ABHD12: variants seen among roughly 807,000 people sequenced by gnomAD.
The protein encoded by ABHD12 is abhydrolase domain containing 12, lysophospholipase.
In ABHD12, 43 loss-of-function variants were observed where a neutral mutation model predicts 58.3. That is an observed-to-expected ratio of 0.74 (90% CI 0.58 to 0.95). The LOEUF is 0.95. Among genes scored for constraint, ABHD12 ranks in the 40% least tolerant of loss-of-function variants. The pLI is 0.00. For synonymous variants in ABHD12, 219 were observed against 211.2 expected (o/e 1.04, Z -0.32); for missense variants, 539 against 537.2 (o/e 1.00, Z -0.03).
chr20:25,371,245 T>C (rs775767845), intron 1 of ABHD12, among the ~76,000 whole-genome samples: 2 of 152,144 alleles, frequency 1.3e-5, no homozygotes, highest in African/African-American at 2.4e-5. Context: ...CCATGGGCAA[T>C]GCCTACATTG....
Position 25,323,393 on chromosome 20 carries a change from C to A in ABHD12, c.354G>T (p.Gln118His), listed in dbSNP as rs1351563496. 7.4e-6 allele frequency: 12 copies of A among 1,614,000 alleles called. No individual in the cohort carries two copies. The highest frequency in any genetic ancestry group is 1.0e-5 in the Non-Finnish European group (12 of 1,179,882). The change falls in exon 3 of 13, where the codon CAG (glutamine) becomes CAT (histidine). Residue 118 changes from glutamine (Q) to histidine (H), a missense_variant. Gln to His is a conservative substitution (Grantham distance 24, BLOSUM62 0). Coordinates refer to ENST00000339157, the MANE Select transcript of ABHD12 (RefSeq NM_001042472.3). ...TACACGTGTGATTCAAACCTTGATC[C>A]TGTGGTTTTTTCAAATCAATGAAAT... ...VPYFIDLKKP[Q>H]DQGLNHTCNY...
intron 1 of ABHD12, among the ~76,000 whole-genome samples, chr20:25,367,619 A>T (rs1407268654): frequency 1.3e-5 from 2 of 152,236 alleles, no homozygotes; most frequent in Admixed American, 6.5e-5. Context: ...ACTTTCTGCT[A>T]CTAGTACCTT....
At chr20:25,359,873 G>A (rs1474080172) in intron 1 of ABHD12, among the ~76,000 whole-genome samples, 2 of 152,106 alleles carry the variant, frequency 1.3e-5, no homozygotes, top group Admixed American at 1.3e-4. Flanking sequence ...GCCTGGCCAA[G>A]AACTTTTTAT....
chr20:25,380,316 C>T (rs568056179), intron 1 of ABHD12, among the ~76,000 whole-genome samples: 59 of 152,212 alleles, frequency 3.9e-4, no homozygotes, highest in Admixed American at 1.1e-3. Flanking sequence ...GGCTGGAATG[C>T]AATGGCGCGA....
chr20:25,312,846 TGAG>T (rs2088881201), intron 6 of ABHD12, among the ~76,000 whole-genome samples: 1 of 148,424 alleles, frequency 6.7e-6, no homozygotes, highest in South Asian at 2.1e-4. Flanking sequence ...GTCTGGGAGG[TGAG>T]GAGCGTCTCC....
intron 1 of ABHD12, among the ~76,000 whole-genome samples, chr20:25,373,911 A>T (rs2089929303): frequency 6.6e-6 from 1 of 152,106 alleles, no homozygotes; most frequent in Non-Finnish European, 1.5e-5. Context: ...AAGTTGTCCC[A>T]TAGCATAGTG....
At chr20:25,296,879 T>TG (rs2088555434), downstream of ABHD12, 1 of 215,468 alleles carries the variant, frequency 4.6e-6, no homozygotes, top group South Asian at 7.6e-5. Context: ...TCTTTAGTGT[T>TG]GAGCCTCTGG....
At chr20:25,387,851 G>A (rs993630512) in intron 1 of ABHD12, among the ~76,000 whole-genome samples, 2 of 151,944 alleles carry the variant, frequency 1.3e-5, no homozygotes, top group African/African-American at 4.8e-5. Flanking sequence ...GACCAGCCTG[G>A]CCAACATGGT....
intron 1 of ABHD12, among the ~76,000 whole-genome samples, chr20:25,360,552 G>A (rs952073227): frequency 6.6e-6 from 1 of 151,892 alleles, no homozygotes; most frequent in South Asian, 2.1e-4. Flanking sequence ...ACATGTTACA[G>A]TCTTATGTTT....
chr20:25,300,553 C>A lies in ABHD12; in HGVS notation c.*292G>T, dbSNP rs1254614410. 1.1e-5 allele frequency: 15 copies of A among 1,392,558 alleles called. No individual in the cohort carries two copies. Among genetic ancestry groups the A allele is most frequent in the Middle Eastern group, 5.3e-4 (2 of 3,740 alleles). 86.3% of individuals were successfully genotyped at this position (1,392,558 alleles called of 1,614,324 possible). A position where few individuals can be genotyped will look rare whatever the true frequency, so the allele number is the denominator to read the frequency against. ...CCAGCTCAGTGCAGCATCAAGCAGG[C>A]AGTGATGGCTGCCTGCTGCCATTAA... On this transcript the variant is annotated 3_prime_UTR_variant, in exon 13 of 13. Coordinates refer to ENST00000339157, the MANE Select transcript of ABHD12 (RefSeq NM_001042472.3).
intron 12 of ABHD12, 44 bp downstream of exon 12, chr20:25,302,175 G>T: frequency 1.2e-6 from 2 of 1,611,768 alleles, no homozygotes; most frequent in African/African-American, 2.7e-5. Flanking sequence ...GTGTGAGCCA[G>T]TGCTGCCCAG....
At position 25,300,285 on chromosome 20, in the gene ABHD12, G is replaced by C; in HGVS notation, c.*560C>G. 9.8e-7 allele frequency: 1 copy of C among 1,025,412 alleles called. No homozygotes were observed. The highest frequency in any genetic ancestry group is 1.2e-6 in the Non-Finnish European group (1 of 853,390). The allele number at this position is 1,025,412 out of a possible 1,614,324, so 63.5% of individuals were successfully genotyped here. On this transcript the variant is annotated 3_prime_UTR_variant, in exon 13 of 13. Transcript: ENST00000339157. ...AGGTTAGGTGTACAGGTAGGTGAAA[G>C]GGGAGGAAGTGCAGATCCCGGGCAC...
At chr20:25,352,977 A>C (rs551263615) in intron 1 of ABHD12, among the ~76,000 whole-genome samples, 1 of 152,162 alleles carries the variant, frequency 6.6e-6, no homozygotes, top group Non-Finnish European at 1.5e-5. Context: ...ACGTCACTGC[A>C]CTCAAGCCTG....
intron 1 of ABHD12, among the ~76,000 whole-genome samples, chr20:25,362,925 G>A (rs544044108): frequency 3.3e-5 from 5 of 151,886 alleles, no homozygotes; most frequent in Non-Finnish European, 7.4e-5. Context: ...TGCCCACCTC[G>A]GCCTCCCAAA....
intron 1 of ABHD12, among the ~76,000 whole-genome samples, chr20:25,379,320 A>G (rs886959401): frequency 6.6e-6 from 1 of 152,214 alleles, no homozygotes; most frequent in Non-Finnish European, 1.5e-5. Flanking sequence ...GACTGCGCCC[A>G]CGTGGGGAAC....
chr20:25,342,234 C>T (rs370168764), intron 1 of ABHD12, among the ~76,000 whole-genome samples: 26 of 151,902 alleles, frequency 1.7e-4, no homozygotes, highest in African/African-American at 6.0e-4. Context: ...GAATACAATG[C>T]AGCAATAAAA....
intron 1 of ABHD12, among the ~76,000 whole-genome samples, chr20:25,382,491 C>T (rs931287820): frequency 6.6e-6 from 1 of 152,122 alleles, no homozygotes; most frequent in African/African-American, 2.4e-5. Context: ...AACATTTTCC[C>T]TGCAGATTTC....
intron 1 of ABHD12, among the ~76,000 whole-genome samples, chr20:25,382,517 G>C (rs1048784336): frequency 6.6e-6 from 1 of 152,168 alleles, no homozygotes; most frequent in African/African-American, 2.4e-5. Flanking sequence ...GGAAGGACAA[G>C]TGTTCTAATG....
chr20:25,373,574 G>A (rs939895821), intron 1 of ABHD12, among the ~76,000 whole-genome samples: 1 of 151,708 alleles, frequency 6.6e-6, no homozygotes, highest in African/African-American at 2.4e-5. Context: ...AAATAAAGAC[G>A]TTGCTTCACT....
Sources: allele counts gnomAD v4.1 joint callset (sites outside exome capture counted in the v4.1 genomes callset), GRCh38; gene constraint gnomAD v4.1.1; transcripts MANE v1.5; gene names NCBI Gene and HGNC (gene_info 2026-07-23, HGNC 2026-07-21).